Variants in PDZD2 observed in about 807,000 individuals in gnomAD.
The protein encoded by PDZD2 is PDZ domain containing 2.
A neutral mutation model predicts 220.7 loss-of-function variants in PDZD2; 90 were observed. That is an observed-to-expected ratio of 0.41 (90% CI 0.34 to 0.49). PDZD2 has a LOEUF of 0.49. Ranked by LOEUF, PDZD2 falls within the 20% of genes least tolerant of loss-of-function variation. PDZD2 has a pLI of 0.28. For synonymous variants in PDZD2, 1,375 were observed against 1,450.5 expected (o/e 0.95, Z 1.18); for missense variants, 3,174 against 3,608.5 (o/e 0.88, Z 3.08).
intron 1 of PDZD2, among the ~76,000 whole-genome samples, chr5:31,753,750 G>A (rs1405889869): frequency 1.3e-5 from 2 of 152,220 alleles, no homozygotes; most frequent in African/African-American, 4.8e-5. Flanking sequence ...GTTAGCAAGT[G>A]ATTCCATTCT....
chr5:31,777,406 C>T (rs1484616189), intron 1 of PDZD2, among the ~76,000 whole-genome samples: 9 of 152,330 alleles, frequency 5.9e-5, no homozygotes, highest in Non-Finnish European at 8.8e-5. Context: ...CACCCCACCC[C>T]GTGGGCTCCC....
chr5:31,790,956 C>A (rs1391551194), intron 1 of PDZD2, among the ~76,000 whole-genome samples: 1 of 151,940 alleles, frequency 6.6e-6, no homozygotes, highest in East Asian at 2.0e-4. Context: ...CGTCGGCCTC[C>A]CAAAGTGCTG....
intron 1 of PDZD2, among the ~76,000 whole-genome samples, chr5:31,789,929 A>C (rs929388202): frequency 7.9e-5 from 12 of 152,170 alleles, no homozygotes; most frequent in South Asian, 2.1e-4. Flanking sequence ...CAAACAACAA[A>C]AAAAAATTCC....
At chr5:32,009,445 G>C (rs1346705920) in intron 5 of PDZD2, among the ~76,000 whole-genome samples, 3 of 151,898 alleles carry the variant, frequency 2.0e-5, no homozygotes, top group African/African-American at 7.3e-5. Context: ...AGAGGATCTT[G>C]GGCCAGGTGC....
At chr5:31,730,827 A>G (rs1210308777) in intron 1 of PDZD2, among the ~76,000 whole-genome samples, 1 of 152,204 alleles carries the variant, frequency 6.6e-6, no homozygotes, top group African/African-American at 2.4e-5. Flanking sequence ...GCTTTGATTC[A>G]AGGAATCAAA....
intron 2 of PDZD2, among the ~76,000 whole-genome samples, chr5:31,907,276 G>C (rs1488353620): frequency 6.6e-6 from 1 of 152,208 alleles, no homozygotes; most frequent in Non-Finnish European, 1.5e-5. Flanking sequence ...TCTCTTCCTG[G>C]GTTGTAGATG....
At chr5:31,944,665 G>C (rs936272919) in intron 2 of PDZD2, among the ~76,000 whole-genome samples, 7 of 152,242 alleles carry the variant, frequency 4.6e-5, no homozygotes, top group Non-Finnish European at 8.8e-5. Flanking sequence ...TAACTGCCCT[G>C]TTGGGGTGTT....
chr5:32,053,949 C>A, intron 10 of PDZD2, 66 bp downstream of exon 10: 1 of 934,880 alleles, frequency 1.1e-6, no homozygotes, highest in Non-Finnish European at 1.8e-6. Flanking sequence ...TGCCTCTTCA[C>A]AAGATGTGAG....
At chr5:31,891,150 T>C (rs1292154850) in intron 2 of PDZD2, among the ~76,000 whole-genome samples, 235 of 95,246 alleles carry the variant, frequency 2.5e-3, no homozygotes, top group Non-Finnish European at 3.7e-3. Context: ...TTTTTTTTTT[T>C]TTTTGAGACG....
chr5:32,008,368 C>A (rs895781221), intron 5 of PDZD2, among the ~76,000 whole-genome samples: 2 of 151,010 alleles, frequency 1.3e-5, no homozygotes, highest in Non-Finnish European at 2.9e-5. Context: ...GCAACTTCCG[C>A]CTTCCGGGTT....
chr5:31,790,136 T>C lies in PDZD2; in HGVS notation c.-360-8753T>C, dbSNP rs544236294. 5.9e-5 allele frequency among the ~76,000 whole-genome samples: 9 copies of C among 151,960 alleles called. No homozygotes were observed. In the South Asian group the frequency reaches 1.3e-3, roughly 21 times the overall value. ...GTTTGTTTGTTTGTTTGAGATGGAG[T>C]CTCGCTCTGTCACCAGGCTGGAGTG... On this transcript the variant is annotated intron_variant, in intron 1 of 24. Transcript: ENST00000438447.
chr5:31,752,431 C>T (rs549796115), intron 1 of PDZD2, among the ~76,000 whole-genome samples: 34 of 152,128 alleles, frequency 2.2e-4, no homozygotes, highest in African/African-American at 6.7e-4. Flanking sequence ...CACCTGTAGT[C>T]GCAGCTACTC....
chr5:32,098,304 C>T lies in PDZD2; in HGVS notation c.7948-60C>T. The T allele has an allele frequency of 6.5e-7, 1 of 1,538,700 alleles. No homozygotes were observed. Among genetic ancestry groups the T allele is most frequent in the Admixed American group, 1.8e-5 (1 of 55,238 alleles). ...AGATACGCAGTTAGTTACTATCTCC[C>T]TTTTACCGGAAATCGTAAGTGGATC... On this transcript the variant is annotated intron_variant, in intron 22 of 24. Coordinates refer to ENST00000438447, the MANE Select transcript of PDZD2 (RefSeq NM_178140.4). The surrounding 1 kb of genome is among the most constrained non-coding windows in gnomAD (Gnocchi z 4.1).
chr5:32,076,371 A>T (rs1302763518), intron 18 of PDZD2, among the ~76,000 whole-genome samples: 1 of 151,150 alleles, frequency 6.6e-6, no homozygotes, highest in East Asian at 2.0e-4. Flanking sequence ...ATAATAATTT[A>T]TATCTATTAA....
chr5:31,995,368 A>C (rs907603875), intron 3 of PDZD2, among the ~76,000 whole-genome samples: 1 of 152,190 alleles, frequency 6.6e-6, no homozygotes, highest in Admixed American at 6.5e-5. Flanking sequence ...CAAATATAGA[A>C]CATTTCCATG....
At chr5:32,033,662 C>T (rs1278993800) in intron 6 of PDZD2, among the ~76,000 whole-genome samples, 1 of 151,870 alleles carries the variant, frequency 6.6e-6, no homozygotes, top group East Asian at 1.9e-4. Flanking sequence ...CTCTTTTGCC[C>T]AGGCTGGAAT....
intron 10 of PDZD2, 146 bp downstream of exon 10, chr5:32,054,029 T>C (rs1282703709): frequency 5.1e-6 from 3 of 593,012 alleles, no homozygotes; most frequent in Admixed American, 3.0e-5. Context: ...TGAGCTTCAC[T>C]TTCCCTAGTT....
chr5:31,959,251 TTA>T (rs201881528), intron 2 of PDZD2, among the ~76,000 whole-genome samples: 1 of 143,890 alleles, frequency 6.9e-6, no homozygotes. Context: ...ATATATATAT[TTA>T]TATATATATA....
intron 1 of PDZD2, among the ~76,000 whole-genome samples, chr5:31,677,058 G>A (rs985646546): frequency 1.3e-5 from 2 of 152,130 alleles, no homozygotes; most frequent in Admixed American, 1.3e-4. Context: ...ATGAAAAAAG[G>A]ATGAATCTAC....
Sources: allele counts gnomAD v4.1 joint callset (sites outside exome capture counted in the v4.1 genomes callset), GRCh38; gene constraint gnomAD v4.1.1; non-coding constraint Gnocchi (gnomAD v3.1); transcripts MANE v1.5; gene names NCBI Gene and HGNC (gene_info 2026-07-23, HGNC 2026-07-21).